The following P4HB variants were observed in gnomAD, a reference collection of about 807,000 sequenced individuals.
P4HB encodes the protein prolyl 4-hydroxylase subunit beta, also known as protein disulfide-isomerase.
In P4HB, 20 loss-of-function variants were observed where a neutral mutation model predicts 52.6. The observed-to-expected ratio is 0.38, with a 90% CI of 0.27 to 0.55. The LOEUF (loss-of-function observed/expected upper bound fraction) is 0.55, where lower values mean the gene tolerates loss of function less well. Among genes scored for constraint, P4HB ranks in the 20% least tolerant of loss-of-function variants. The probability of loss-of-function intolerance (pLI) is 0.74; values close to 1 mark genes in which losing one functional copy is unlikely to be tolerated. For synonymous variants in P4HB, 296 were observed against 277.9 expected (o/e 1.07, Z -0.65); for missense variants, 601 against 669.2 (o/e 0.90, Z 1.12).
Position 81,850,797 on chromosome 17 carries a change from T to C in P4HB, c.625-3450A>G, listed in dbSNP as rs1360449334. Among the ~76,000 whole-genome samples the C allele has an allele frequency of 2.0e-5, 3 of 152,082 alleles. 1 individual carries two copies. The highest frequency in any genetic ancestry group is 4.1e-4 in the South Asian group (2 of 4,828). On this transcript the variant is annotated intron_variant, in intron 4 of 10. Coordinates refer to ENST00000331483, the MANE Select transcript of P4HB (RefSeq NM_000918.4). ...CGTGTCCAGCCAAAAAAATTTATTT[T>C]ATTTTTACTTTTTGTAGAGACAGTC...
chr17:81,856,806 T>G (rs532082292), intron 2 of P4HB, among the ~76,000 whole-genome samples: 89 of 152,034 alleles, frequency 5.9e-4, no homozygotes, highest in African/African-American at 2.0e-3. Flanking sequence ...CCCGCCACCA[T>G]GCCCAGCTAA....
chr17:81,846,105 T>C lies in P4HB; in HGVS notation c.1057-114A>G, dbSNP rs1598263639. ...CGTGGCTGCCCTGGGCACACCAGGG[T>C]GGCAGCCGCAGACACCAACAGTGCC... On this transcript the variant is annotated intron_variant, in intron 7 of 10. Coordinates refer to ENST00000331483, the MANE Select transcript of P4HB (RefSeq NM_000918.4). The surrounding 1 kb of genome is among the most constrained non-coding windows in gnomAD (Gnocchi z 5.7). 7.7e-7 allele frequency: 1 copy of C among 1,302,744 alleles called. No individual in the cohort carries two copies. The highest frequency in any genetic ancestry group is 2.8e-5 in the Admixed American group (1 of 35,152). 80.7% of individuals were successfully genotyped at this position (1,302,744 alleles called of 1,614,324 possible).
intron 1 of P4HB, chr17:81,859,732 G>C: frequency 3.0e-6 from 1 of 335,084 alleles, no homozygotes; most frequent in Non-Finnish European, 5.7e-6. Context: ...TAAGACTACA[G>C]ACAAAAGTGA....
chr17:81,859,558 G>A (rs1165469492), intron 1 of P4HB, 171 bp from the exon 2 acceptor site: 1 of 621,758 alleles, frequency 1.6e-6, no homozygotes, highest in East Asian at 2.8e-5. Context: ...GGTGTTCTTG[G>A]GCAATATCAG....
rs530240512 is a variant in P4HB, at chr17:81,843,622, C to A, written c.*390G>T. Reference sequence around the variant, plus strand: ...AGGCCTGGCCAAGGTGGAACAAATACCCTGATGTCGAAAAATGTCTAAAAA... The same window carrying A: ...AGGCCTGGCCAAGGTGGAACAAATAACCTGATGTCGAAAAATGTCTAAAAA... On this transcript the variant is annotated 3_prime_UTR_variant, in exon 11 of 11. Transcript: ENST00000331483. The A allele has an allele frequency of 3.0e-5, 14 of 466,508 alleles. No individual in the cohort carries two copies. The highest frequency in any genetic ancestry group is 1.5e-4 in the South Asian group (3 of 20,370). 28.9% of individuals were successfully genotyped at this position (466,508 alleles called of 1,614,324 possible).
intron 10 of P4HB, among the ~76,000 whole-genome samples, chr17:81,844,662 T>C (rs1427283329): frequency 2.0e-5 from 3 of 152,070 alleles, no homozygotes; most frequent in Non-Finnish European, 2.9e-5. Flanking sequence ...TTCACCATGG[T>C]CAAGCACCCC....
rs1455301237 is a variant in P4HB, at chr17:81,855,615, C to T, written c.353-29G>A. On this transcript the variant is annotated intron_variant, in intron 2 of 10. Transcript: ENST00000331483. The surrounding 1 kb of genome is among the most constrained non-coding windows in gnomAD (Gnocchi z 4.3). ...ACCCCAAACAAATGTAGGTTCTACT[C>T]TCAAACAGGGAGTGCCGCCTGCCCT... The T allele has an allele frequency of 4.4e-6, 7 of 1,602,848 alleles. No homozygotes were observed. The highest frequency in any genetic ancestry group is 1.7e-4 in the Middle Eastern group (1 of 6,008).
Position 81,846,647 on chromosome 17 carries a change from G to T in P4HB, c.856-18C>A, listed in dbSNP as rs777607321. The T allele has an allele frequency of 1.2e-6, 2 of 1,610,730 alleles. No individual in the cohort carries two copies. The highest frequency in any genetic ancestry group is 2.2e-5 in the South Asian group (2 of 91,042). The stretch of plus-strand genomic sequence containing the variant: ...AACAGGATCTGGGGGAGAAAAGGAG[G>T]TTGCACAGGTGCGGGAGACGGCTGG... On this transcript the variant is annotated intron_variant, in intron 6 of 10. Coordinates refer to ENST00000331483, the MANE Select transcript of P4HB (RefSeq NM_000918.4). The surrounding 1 kb of genome is among the most constrained non-coding windows in gnomAD (Gnocchi z 5.7).
Position 81,846,549 on chromosome 17 carries a change from G to T in P4HB, c.936C>A (p.Cys312Ter). 6.2e-7 allele frequency: 1 copy of T among 1,614,038 alleles called. No individual in the cohort carries two copies. Among genetic ancestry groups the T allele is most frequent in the Non-Finnish European group, 8.5e-7 (1 of 1,180,002 alleles). ...CCAGGGTGATGAGGCGCACGGCCGG[G>T]CACTCTTCCTTCTTCAGGCCAAAGA... is the stretch of plus-strand genomic sequence containing the variant. ...LEFFGLKKEECPAVRLITLEE... is the reference protein window; with the variant it reads ...LEFFGLKKEE Residue 312 changes from cysteine to a stop codon, truncating the protein, a stop_gained, in exon 7 of 11, where the codon TGC becomes TGA. Transcript: ENST00000331483. LOFTEE classifies it high-confidence loss of function. The surrounding 1 kb of genome is among the most constrained non-coding windows in gnomAD (Gnocchi z 5.7).
At position 81,845,677 on chromosome 17, in the gene P4HB, T is replaced by C. The variant is rs758507714; in HGVS notation, c.1243A>G (p.Lys415Glu). The change falls in exon 9 of 11, where the codon AAG becomes GAG. Residue 415 changes from lysine (K) to glutamate (E), a missense_variant. Transcript: ENST00000331483. ...PIWDKLGETYKDHENIVIAKM... is the reference protein window; with the variant it reads ...PIWDKLGETYEDHENIVIAKM... ...GCGATGACGATGTTCTCATGGTCCTTGTACGTCTCTCCCAGTTTATCCCAA... is the reference window on the plus strand; with the variant it reads ...GCGATGACGATGTTCTCATGGTCCTCGTACGTCTCTCCCAGTTTATCCCAA... 4 of 1,613,950 alleles carry C rather than the reference T, an allele frequency of 2.5e-6. No homozygotes were observed. Among genetic ancestry groups the C allele is most frequent in the Non-Finnish European group, 3.4e-6 (4 of 1,179,848 alleles).
chr17:81,849,085 G>A (rs1456147462), intron 4 of P4HB, among the ~76,000 whole-genome samples: 1 of 151,908 alleles, frequency 6.6e-6, no homozygotes, highest in Non-Finnish European at 1.5e-5. Context: ...AATCAGTTGG[G>A]TATGGTGGCA....
chr17:81,860,384 G>T lies in P4HB; in HGVS notation c.88C>A (p.Arg30=), dbSNP rs11558886. ...AGCGCCTCCGCGAAGTTGCTTTTCCGCAGCACCAGGACGTGGTCCTCCTCC... is the reference window on the plus strand; with the variant it reads ...AGCGCCTCCGCGAAGTTGCTTTTCCTCAGCACCAGGACGTGGTCCTCCTCC... ...PEEEDHVLVL[R]KSNFAEALAA... Residue 30 remains arginine, a synonymous_variant, in exon 1 of 11, where the codon CGG becomes AGG. Coordinates refer to ENST00000331483, the MANE Select transcript of P4HB (RefSeq NM_000918.4). 0.18 allele frequency: 264,281 copies of T among 1,469,380 alleles called. 25,391 individuals carry two copies. Among genetic ancestry groups the T allele is most frequent in the Admixed American group, 0.21 (8,134 of 39,564 alleles). The allele number at this position is 1,469,380 out of a possible 1,614,324, so 91.0% of individuals were successfully genotyped here.
chr17:81,849,718 C>T (rs906040289), intron 4 of P4HB, among the ~76,000 whole-genome samples: 2 of 152,162 alleles, frequency 1.3e-5, no homozygotes, highest in Non-Finnish European at 2.9e-5. Context: ...GATGCGGCCT[C>T]GGCTCAGGCT....
At chr17:81,848,136 G>A (rs867076531) in intron 4 of P4HB, among the ~76,000 whole-genome samples, 9 of 152,152 alleles carry the variant, frequency 5.9e-5, no homozygotes, top group Non-Finnish European at 1.0e-4. Context: ...TCCTTACCTC[G>A]TGATCTGCCC....
In P4HB at chr17:81,845,525, G is replaced by C. The variant is rs139875122; in HGVS notation, c.1359+36C>G. On this transcript the variant is annotated intron_variant, in intron 9 of 10. Transcript: ENST00000331483. ...GGCGTGGGGACCACTGCTCTTCCCAGAGCCCGCCCCAGCCCCGTCTGGAGG... is the reference window on the plus strand; with the variant it reads ...GGCGTGGGGACCACTGCTCTTCCCACAGCCCGCCCCAGCCCCGTCTGGAGG... 6.6e-5 allele frequency: 102 copies of C among 1,545,416 alleles called. 1 individual carries two copies. The East Asian group carries it at 2.3e-3, about 35-fold the overall frequency.
In P4HB at chr17:81,843,997, G is replaced by T; in HGVS notation, c.*15C>A. On this transcript the variant is annotated 3_prime_UTR_variant, in exon 11 of 11. Coordinates refer to ENST00000331483, the MANE Select transcript of P4HB (RefSeq NM_000918.4). ...CCCGAGGGGTCTCGGCAGCGCCCGG[G>T]TCTGGCTTTGCGTATTACAGTTCAT... 2 of 1,601,688 alleles carry T rather than the reference G, an allele frequency of 1.2e-6. No homozygotes were observed. Among genetic ancestry groups the T allele is most frequent in the South Asian group, 1.1e-5 (1 of 90,828 alleles).
intron 5 of P4HB, 49 bp from the exon 6 acceptor site, chr17:81,847,121 C>G (rs2038747731): frequency 6.2e-7 from 1 of 1,611,700 alleles, no homozygotes; most frequent in East Asian, 2.2e-5. Flanking sequence ...ACTATTAATG[C>G]AGAAGATTCT....
Position 81,847,082 on chromosome 17 carries a change from AAACTT to A in P4HB, c.730-15_730-11del, listed in dbSNP as rs1391199801. 6.2e-7 allele frequency: 1 copy of A among 1,613,852 alleles called. No homozygotes were observed. The highest frequency in any genetic ancestry group is 8.5e-7 in the Non-Finnish European group (1 of 1,179,996). ...AAATCTTCGGGGCTGTCTGTGTTAT[AAACTT>A]AAGTTACTGGGTCTGAGTCACACAC... On this transcript the variant is annotated splice_polypyrimidine_tract_variant and intron_variant, in intron 5 of 10. Coordinates refer to ENST00000331483, the MANE Select transcript of P4HB (RefSeq NM_000918.4).
At chr17:81,844,876 A>G (rs1351388561) in intron 10 of P4HB, among the ~76,000 whole-genome samples, 4 of 152,284 alleles carry the variant, frequency 2.6e-5, no homozygotes, top group African/African-American at 7.2e-5. Context: ...CATGTGTCTG[A>G]AAAGGTTTTC....
Sources: gnomAD v4.1 joint callset for allele counts (sites outside exome capture counted in the v4.1 genomes callset) on GRCh38, gnomAD v4.1.1 for gene constraint, Gnocchi (gnomAD v3.1) non-coding constraint, MANE v1.5 for transcripts, NCBI Gene and HGNC (gene_info 2026-07-23, HGNC 2026-07-21) for gene names.